The following CAST variants were observed in gnomAD, a reference collection of about 807,000 sequenced individuals.
CAST encodes MIR583 host.
Under a neutral mutation model 119.6 loss-of-function variants are expected in CAST, and 76 were observed. That is an observed-to-expected ratio of 0.64 (90% confidence interval 0.53 to 0.77). CAST has a LOEUF of 0.77. CAST is among the 30% of genes least tolerant of loss of function. CAST has a pLI of 0.00. For synonymous variants in CAST, 319 were observed against 331.6 expected, an observed-to-expected ratio of 0.96 and a Z score of 0.41; for missense variants, 953 against 946.5, an observed-to-expected ratio of 1.01 and a Z score of -0.09.
At chr5:96,627,809 A>G (rs1158489975) in intron 1 of CAST, among the ~76,000 whole-genome samples, 2 of 152,202 alleles carry the variant, frequency 1.3e-5, no homozygotes, top group Non-Finnish European at 2.9e-5. Flanking sequence ...GGCATTAGAA[A>G]ATTTTCAAGT....
the CAST span, among the ~76,000 whole-genome samples, chr5:96,199,678 T>C: frequency 6.6e-6 from 1 of 151,986 alleles, no homozygotes; most frequent in African/African-American, 2.4e-5. Flanking sequence ...ATATTCAGAG[T>C]TTTGGTTTTC....
chr5:96,672,781 T>G (rs1259398554), intron 1 of CAST, among the ~76,000 whole-genome samples: 1 of 151,752 alleles, frequency 6.6e-6, no homozygotes, highest in Non-Finnish European at 1.5e-5. Flanking sequence ...CCTTTTATTA[T>G]AAGTGATTTT....
chr5:96,641,880 T>C (rs1007716901), intron 1 of CAST, among the ~76,000 whole-genome samples: 1 of 152,210 alleles, frequency 6.6e-6, no homozygotes, highest in Admixed American at 6.5e-5. Context: ...AGAACCTATT[T>C]AAAGCCCAGG....
chr5:96,483,543 T>A, the CAST span, among the ~76,000 whole-genome samples: 6 of 152,206 alleles, frequency 3.9e-5, no homozygotes, highest in African/African-American at 1.4e-4. Flanking sequence ...TTAATAAGGA[T>A]TTATCAAAGA....
chr5:95,981,951 C>T, the CAST span, among the ~76,000 whole-genome samples: 1 of 151,892 alleles, frequency 6.6e-6, no homozygotes, highest in Admixed American at 6.6e-5. Flanking sequence ...ACATAATTTC[C>T]ATGTATCCTT....
chr5:96,750,868 T>C lies in CAST; in HGVS notation c.1524+186T>C, dbSNP rs544512637. On this transcript the variant is annotated intron_variant, in intron 20 of 31. Transcript: ENST00000675179. The stretch of plus-strand genomic sequence containing the variant: ...TGTCGTAGAAATTCAGACTAAGATT[T>C]AAATTTTTAATTAAATTACTCCCAA... 1.8e-4 allele frequency among the ~76,000 whole-genome samples: 28 copies of C among 152,328 alleles called. No individual in the cohort carries two copies. The South Asian group carries it at 5.6e-3, about 30-fold the overall frequency.
the CAST span, among the ~76,000 whole-genome samples, chr5:96,091,487 G>T: frequency 2.1e-5 from 3 of 143,680 alleles, no homozygotes; most frequent in Non-Finnish European, 4.5e-5. Context: ...TTACAGGCAT[G>T]AGCCACCATG....
chr5:96,486,032 AG>A, the CAST span, among the ~76,000 whole-genome samples: 1 of 152,172 alleles, frequency 6.6e-6, no homozygotes, highest in South Asian at 2.1e-4. Context: ...ACTTCCAGAG[AG>A]GTCCAAAAAA....
the CAST span, among the ~76,000 whole-genome samples, chr5:96,445,689 C>T: frequency 6.6e-6 from 1 of 152,136 alleles, no homozygotes; most frequent in Admixed American, 6.5e-5. Context: ...TGTAAATTTC[C>T]TCAGTCTTGT....
the CAST span, among the ~76,000 whole-genome samples, chr5:96,494,874 T>A: frequency 6.6e-6 from 1 of 152,044 alleles, no homozygotes; most frequent in African/African-American, 2.4e-5. Flanking sequence ...TCCCAGCACT[T>A]TGGGAGGGCA....
chr5:96,615,716 T>A (rs1034855709), intron 1 of CAST, among the ~76,000 whole-genome samples: 1 of 152,154 alleles, frequency 6.6e-6, no homozygotes, highest in Non-Finnish European at 1.5e-5. Flanking sequence ...AAGCATTTGC[T>A]GGGAAAGAGG....
chr5:96,108,405 G>A, the CAST span, among the ~76,000 whole-genome samples: 5 of 152,300 alleles, frequency 3.3e-5, no homozygotes, highest in East Asian at 5.8e-4. Flanking sequence ...GGTTTTTGGT[G>A]TGGATGTCCT....
rs978060513 is a variant in CAST at position 96,701,127 on chromosome 5, C to T, written c.210+5220C>T. ...ATTTTTAGTAGAGACAGGGTTTCAC[C>T]ATGTTGCCCAGGCTGGTCTGGAACT... On this transcript the variant is annotated intron_variant, in intron 3 of 31. Coordinates refer to ENST00000675179, the MANE Select transcript of CAST (RefSeq NM_001750.7). Among the ~76,000 whole-genome samples, 5 of 152,198 alleles carry T rather than the reference C, an allele frequency of 3.3e-5. No individual in the cohort carries two copies. The South Asian group carries it at 1.0e-3, about 32-fold the overall frequency.
chr5:96,080,065 A>G, the CAST span, among the ~76,000 whole-genome samples: 19 of 152,326 alleles, frequency 1.2e-4, no homozygotes, highest in African/African-American at 4.6e-4. Context: ...GGTTAAAAGC[A>G]TAATTATTAT....
chr5:96,456,164 C>G, the CAST span, among the ~76,000 whole-genome samples: 193 of 152,298 alleles, frequency 1.3e-3, no homozygotes, highest in Non-Finnish European at 2.0e-3. Context: ...TTAGCTCCAT[C>G]TAATACTTGT....
chr5:96,544,490 A>G (rs952637216), intron 1 of CAST, among the ~76,000 whole-genome samples: 2 of 152,138 alleles, frequency 1.3e-5, no homozygotes, highest in African/African-American at 4.8e-5. Flanking sequence ...TATATAGATG[A>G]TCATGTTATC....
At chr5:96,174,683 G>A in the CAST span, among the ~76,000 whole-genome samples, 3 of 152,104 alleles carry the variant, frequency 2.0e-5, no homozygotes, top group African/African-American at 7.2e-5. Context: ...TCTCTTTCTA[G>A]CTTCTGGCTC....
chr5:96,052,604 G>A, the CAST span, among the ~76,000 whole-genome samples: 3 of 152,026 alleles, frequency 2.0e-5, no homozygotes, highest in Non-Finnish European at 2.9e-5. Context: ...TTTTGTCTTC[G>A]CCAACTGGCA....
chr5:96,708,054 G>A (rs535207624), intron 3 of CAST, among the ~76,000 whole-genome samples: 4 of 152,296 alleles, frequency 2.6e-5, no homozygotes, highest in South Asian at 4.2e-4. Flanking sequence ...GTTTATATCC[G>A]ATAGGGAAAA....
Sources: allele counts gnomAD v4.1 joint callset (sites outside exome capture counted in the v4.1 genomes callset), GRCh38; gene constraint gnomAD v4.1.1; transcripts MANE v1.5; gene names NCBI Gene and HGNC (gene_info 2026-07-23, HGNC 2026-07-21).